GALNT18: variants seen among roughly 807,000 people sequenced by gnomAD.
GALNT18 encodes the protein GalNAc-transferase 18.
A neutral mutation model predicts 69.5 loss-of-function variants in GALNT18; 44 were observed. The observed-to-expected ratio is 0.63, with a 90% confidence interval of 0.50 to 0.81. The LOEUF is 0.81. GALNT18 is among the 40% of genes least tolerant of loss of function. The pLI is 0.00. For synonymous variants in GALNT18, 364 were observed against 318.2 expected, an observed-to-expected ratio of 1.14 and a Z score of -1.53; for missense variants, 715 against 810.0, an observed-to-expected ratio of 0.88 and a Z score of 1.42.
chr11:11,296,067 C>T (rs1849395705), intron 9 of GALNT18, among the ~76,000 whole-genome samples: 1 of 152,080 alleles, frequency 6.6e-6, no homozygotes, highest in Admixed American at 6.5e-5. Context: ...AATTAAACAG[C>T]CATAGAGTTA....
intron 3 of GALNT18, among the ~76,000 whole-genome samples, chr11:11,420,907 G>C (rs1484816278): frequency 6.6e-6 from 1 of 152,134 alleles, no homozygotes; most frequent in East Asian, 1.9e-4. Flanking sequence ...GCTGACCAGG[G>C]GAAGAAGGCC....
chr11:11,553,011 TAG>T (rs1360847178), intron 1 of GALNT18, among the ~76,000 whole-genome samples: 1 of 152,070 alleles, frequency 6.6e-6, no homozygotes, highest in Admixed American at 6.6e-5. Flanking sequence ...GAGTTTAATC[TAG>T]ATCAGTAGTT....
intron 6 of GALNT18, among the ~76,000 whole-genome samples, chr11:11,355,043 T>C (rs1379906890): frequency 6.6e-6 from 1 of 152,180 alleles, no homozygotes; most frequent in Non-Finnish European, 1.5e-5. Context: ...TCCCTATTAT[T>C]TTTGTGTGGG....
Position 11,389,569 on chromosome 11 carries a change from A to G in GALNT18, c.596-10305T>C, listed in dbSNP as rs1057421558. On this transcript the variant is annotated intron_variant, in intron 3 of 10. Transcript: ENST00000227756. The surrounding 1 kb of genome is among the most constrained non-coding windows in gnomAD (Gnocchi z 4.3). ...GAGGGTATGCAGCAGGAATCACAGG[A>G]CTTACTAAAAATGCCATGATAGGTG... 6.6e-6 allele frequency among the ~76,000 whole-genome samples: 1 copy of G among 152,214 alleles called. No individual in the cohort carries two copies. Among genetic ancestry groups the G allele is most frequent in the African/African-American group, 2.4e-5 (1 of 41,450 alleles).
intron 1 of GALNT18, among the ~76,000 whole-genome samples, chr11:11,495,719 A>C (rs901350611): frequency 6.6e-6 from 1 of 152,234 alleles, no homozygotes; most frequent in African/African-American, 2.4e-5. Flanking sequence ...ACCCACCAGG[A>C]ACAAGCCAGA....
chr11:11,328,381 G>C (rs938325317), intron 8 of GALNT18, among the ~76,000 whole-genome samples: 2 of 152,180 alleles, frequency 1.3e-5, no homozygotes, highest in African/African-American at 4.8e-5. Flanking sequence ...GGGAAGACAA[G>C]GAAAGAGGCC....
chr11:11,568,451 A>T (rs1165937662), intron 1 of GALNT18, among the ~76,000 whole-genome samples: 1 of 152,114 alleles, frequency 6.6e-6, no homozygotes, highest in Admixed American at 6.5e-5. Flanking sequence ...TTAAGAAGTG[A>T]ATCTTCCCGG....
At chr11:11,373,929 G>T (rs893606756) in intron 5 of GALNT18, among the ~76,000 whole-genome samples, 2 of 152,144 alleles carry the variant, frequency 1.3e-5, no homozygotes, top group African/African-American at 2.4e-5. Flanking sequence ...GAAAACTGTC[G>T]GTCCATCACA....
intron 1 of GALNT18, among the ~76,000 whole-genome samples, chr11:11,558,608 A>G (rs990335935): frequency 5.9e-5 from 9 of 152,224 alleles, no homozygotes; most frequent in African/African-American, 2.2e-4. Flanking sequence ...TCAGGGATGG[A>G]AAGTCCAGCC....
chr11:11,322,240 C>T (rs1849852087), intron 9 of GALNT18, among the ~76,000 whole-genome samples: 1 of 152,182 alleles, frequency 6.6e-6, no homozygotes, highest in Non-Finnish European at 1.5e-5. Flanking sequence ...GATTTTACAA[C>T]TAGAAAGGCT....
intron 1 of GALNT18, among the ~76,000 whole-genome samples, chr11:11,455,283 G>A (rs1855900919): frequency 6.6e-6 from 1 of 152,188 alleles, no homozygotes; most frequent in Non-Finnish European, 1.5e-5. Flanking sequence ...CCAACTTAGT[G>A]GGAAGAGCAA....
intron 10 of GALNT18, among the ~76,000 whole-genome samples, chr11:11,271,702 G>A (rs1255172039): frequency 6.6e-6 from 1 of 150,896 alleles, no homozygotes; most frequent in Non-Finnish European, 1.5e-5. Flanking sequence ...CCTGCTCCTA[G>A]GGTCCATGCC....
intron 6 of GALNT18, among the ~76,000 whole-genome samples, chr11:11,358,826 A>AACACAC (rs10644506): frequency 0.024 from 2,653 of 110,818 alleles, 350 homozygotes; most frequent in South Asian, 0.074. Flanking sequence ...ATCCACACAA[A>AACACAC]ACACACACAC....
chr11:11,558,340 C>A (rs1051594903), intron 1 of GALNT18, among the ~76,000 whole-genome samples: 2 of 152,120 alleles, frequency 1.3e-5, no homozygotes, highest in African/African-American at 4.8e-5. Context: ...GCAATGGGAT[C>A]CTTGATTTTC....
chr11:11,409,369 GAAT>G (rs1487181608), intron 3 of GALNT18, among the ~76,000 whole-genome samples: 1 of 152,208 alleles, frequency 6.6e-6, no homozygotes, highest in Non-Finnish European at 1.5e-5. Context: ...GCAGGTCCCA[GAAT>G]CAAAGCCGCC....
chr11:11,382,479 C>CATATA lies in GALNT18; in HGVS notation c.596-3216_596-3215insTATAT, dbSNP rs1002366675. ...TTTTATATACACATAAACACACACA[C>CATATA]ATACCTGTTCACATATAATATCTCT... On this transcript the variant is annotated intron_variant, in intron 3 of 10. Coordinates refer to ENST00000227756, the MANE Select transcript of GALNT18 (RefSeq NM_198516.3). The surrounding 1 kb of genome is among the most constrained non-coding windows in gnomAD (Gnocchi z 4.3). Among the ~76,000 whole-genome samples the CATATA allele has an allele frequency of 1.1e-4, 17 of 152,312 alleles. No homozygotes were observed. The highest frequency in any genetic ancestry group is 4.1e-4 in the African/African-American group (17 of 41,564).
chr11:11,453,945 G>A (rs35408010), intron 1 of GALNT18, among the ~76,000 whole-genome samples: 1,946 of 152,318 alleles, frequency 0.013, 34 homozygotes, highest in African/African-American at 0.045. Context: ...TCCCTGACTG[G>A]AACGTGGCTC....
Position 11,278,314 on chromosome 11 carries a change from C to T in GALNT18, c.1678-7024G>A, listed in dbSNP as rs573931334. 6.3e-5 allele frequency among the ~76,000 whole-genome samples: 9 copies of T among 143,462 alleles called. No individual in the cohort carries two copies. In the South Asian group the frequency reaches 1.8e-3, roughly 29 times the overall value. The allele number at this position is 143,462 out of a possible 152,430, so 94.1% of individuals were successfully genotyped here. A position where few individuals can be genotyped will look rare whatever the true frequency, so the allele number is the denominator to read the frequency against. On this transcript the variant is annotated intron_variant, in intron 10 of 10. Transcript: ENST00000227756. Reference sequence around the variant, plus strand: ...CTCAGCTCTGGACCAAGTTGACCAACGAGAACACATGGACACGGCAGGGAA... The same window carrying T: ...CTCAGCTCTGGACCAAGTTGACCAATGAGAACACATGGACACGGCAGGGAA...
chr11:11,331,843 G>C (rs554295509), intron 8 of GALNT18, among the ~76,000 whole-genome samples: 12 of 152,150 alleles, frequency 7.9e-5, no homozygotes, highest in Non-Finnish European at 1.6e-4. Flanking sequence ...AAAGCCAGGC[G>C]AGATAGCCAA....
Sources: gnomAD v4.1 joint callset for allele counts (sites outside exome capture counted in the v4.1 genomes callset) on GRCh38, gnomAD v4.1.1 for gene constraint, Gnocchi (gnomAD v3.1) non-coding constraint, MANE v1.5 for transcripts, NCBI Gene and HGNC (gene_info 2026-07-23, HGNC 2026-07-21) for gene names.